The following CD6 variants were observed in gnomAD, a reference collection of about 807,000 sequenced individuals.
CD6 encodes the protein T-cell differentiation antigen CD6.
CD6 carries 53 observed loss-of-function variants against 75.3 expected under a neutral mutation model. The ratio of observed to expected loss-of-function variants is 0.70; its 90% confidence interval spans 0.56 to 0.88. The LOEUF (loss-of-function observed/expected upper bound fraction) is 0.88. Ranked by LOEUF, CD6 falls within the 40% of genes least tolerant of loss-of-function variation. The probability of loss-of-function intolerance (pLI) is 0.00; values close to 1 mark genes in which losing one functional copy is unlikely to be tolerated. For missense variants in CD6, 770 were observed against 897.1 expected (o/e 0.86, Z 1.81); for synonymous variants, 359 against 381.5 (o/e 0.94, Z 0.69).
At chr11:61,013,840 G>T in intron 7 of CD6, 79 bp from the exon 8 acceptor site, 1 of 1,001,940 alleles carries the variant, frequency 1.0e-6, no homozygotes, top group Non-Finnish European at 1.5e-6. Context: ...GTGGTGTGTC[G>T]ATGAGAACAG....
chr11:60,994,452 C>T (rs1055465458), intron 1 of CD6, among the ~76,000 whole-genome samples: 1 of 248 alleles, frequency 4.0e-3, no homozygotes, highest in African/African-American at 5.6e-3. Context: ...CCCCAACACC[C>T]CCGCCAAAAA....
At chr11:61,018,527 C>CT in intron 12 of CD6, 134 bp downstream of exon 12, 3 of 584,612 alleles carry the variant, frequency 5.1e-6, no homozygotes, top group Non-Finnish European at 8.4e-6. Flanking sequence ...GGGAAAGTAA[C>CT]TTTTTAAAAA....
At chr11:61,011,178 CGTGT>C (rs10528068) in intron 6 of CD6, 43 bp downstream of exon 6, 698 of 897,100 alleles carry the variant, frequency 7.8e-4, no homozygotes, top group Middle Eastern at 1.8e-3. Context: ...GAAGCTTGGA[CGTGT>C]GTGTGTGTGT....
intron 1 of CD6, among the ~76,000 whole-genome samples, chr11:61,000,215 T>C (rs891135582): frequency 1.3e-5 from 2 of 152,178 alleles, no homozygotes; most frequent in Non-Finnish European, 2.9e-5. Context: ...TAGTTTTATT[T>C]AGGATAAGTT....
At chr11:60,976,484 ACAT>A (rs1215485096) in intron 1 of CD6, among the ~76,000 whole-genome samples, 1 of 152,172 alleles carries the variant, frequency 6.6e-6, no homozygotes, top group African/African-American at 2.4e-5. Flanking sequence ...GACCCAACTT[ACAT>A]TTAACACCAT....
At chr11:61,017,724 C>T (rs544728230) in intron 10 of CD6, 35 bp from the exon 11 acceptor site, 1 of 1,613,182 alleles carries the variant, frequency 6.2e-7, no homozygotes, top group South Asian at 1.1e-5. Context: ...TGCTGCACTG[C>T]TTCTTTCGTC....
intron 1 of CD6, among the ~76,000 whole-genome samples, chr11:60,978,130 T>A (rs1026640216): frequency 3.3e-5 from 5 of 152,346 alleles, no homozygotes; most frequent in Admixed American, 3.3e-4. Flanking sequence ...TGGTATATAA[T>A]GCCAAGTCAA....
At position 61,011,156 on chromosome 11, in the gene CD6, CGCGGTTTCTCAGAA is replaced by C. The variant is rs774259594; in HGVS notation, c.1150+24_1150+37del. ...TATAGGTAAGTGTTGCTGGGTACTA[CGCGGTTTCTCAGAA>C]GCTTGGACGTGTGTGTGTGTGTGTG... On this transcript the variant is annotated intron_variant, in intron 6 of 12. Coordinates refer to ENST00000313421, the MANE Select transcript of CD6 (RefSeq NM_006725.5). The C allele has an allele frequency of 1.2e-5, 19 of 1,565,260 alleles. No homozygotes were observed. The South Asian group carries it at 2.1e-4, about 18-fold the overall frequency.
At chr11:61,015,549 C>A (rs928029825) in intron 8 of CD6, 164 bp from the exon 9 acceptor site, 1 of 784,964 alleles carries the variant, frequency 1.3e-6, no homozygotes, top group Non-Finnish European at 2.0e-6. Flanking sequence ...CCAGCCTGGA[C>A]AACAGAGTGA....
At chr11:60,992,020 C>T (rs940740947) in intron 1 of CD6, among the ~76,000 whole-genome samples, 1 of 152,052 alleles carries the variant, frequency 6.6e-6, no homozygotes, top group Admixed American at 6.6e-5. Flanking sequence ...GCTGGGACCA[C>T]AGGTGCACAC....
At position 61,008,187 on chromosome 11, in the gene CD6, C is replaced by T. The variant is rs1340907268; in HGVS notation, c.469+277C>T. On this transcript the variant is annotated intron_variant, in intron 3 of 12. Coordinates refer to ENST00000313421, the MANE Select transcript of CD6 (RefSeq NM_006725.5). ...AAAGCTAACCCGGTCTCTAACCCCA[C>T]TTACTGGGCCCGCCGCTTCCCTGTC... is the stretch of plus-strand genomic sequence containing the variant. 4.6e-5 allele frequency among the ~76,000 whole-genome samples: 7 copies of T among 152,304 alleles called. No individual in the cohort carries two copies. The East Asian group carries it at 1.4e-3, about 29-fold the overall frequency.
Position 61,015,907 on chromosome 11 carries a change from GTCAGT to G in CD6, c.1510+73_1510+77del. On this transcript the variant is annotated intron_variant, in intron 9 of 12. Coordinates refer to ENST00000313421, the MANE Select transcript of CD6 (RefSeq NM_006725.5). ...GAGGGGGCCCCGAGGGGACCGTCAG[GTCAGT>G]AGTCCCACCTAGTAACCCCTGCATG... is the stretch of plus-strand genomic sequence containing the variant. 3 of 1,574,754 alleles carry G rather than the reference GTCAGT, an allele frequency of 1.9e-6. No individual in the cohort carries two copies. In the Admixed American group the frequency reaches 5.2e-5, roughly 27 times the overall value.
intron 1 of CD6, among the ~76,000 whole-genome samples, chr11:60,994,472 G>A (rs200088028): frequency 3.9e-3 from 41 of 10,446 alleles, no homozygotes; most frequent in African/African-American, 4.1e-3. Context: ...AAAAAAAAAA[G>A]CTGAATTTCT....
At chr11:60,973,609 C>T (rs1194894244) in intron 1 of CD6, among the ~76,000 whole-genome samples, 6 of 152,126 alleles carry the variant, frequency 3.9e-5, no homozygotes, top group African/African-American at 4.8e-5. Context: ...ATTTCTATTA[C>T]GCTTTAGCAA....
intron 1 of CD6, among the ~76,000 whole-genome samples, chr11:60,994,778 G>A (rs951386773): frequency 7.2e-5 from 11 of 152,174 alleles, no homozygotes; most frequent in Non-Finnish European, 1.2e-4. Flanking sequence ...CTTGTTCCAC[G>A]TGCTAGGAAC....
In CD6 at chr11:61,009,643, G is replaced by C; in HGVS notation, c.853G>C (p.Val285Leu). The stretch of plus-strand genomic sequence containing the variant: ...GCAGGTGGAGGTACACTTCCGAGGG[G>C]TCTGGAACACAGTGTGTGACAGTGA... Reference protein sequence around the residue: ...EGQVEVHFRGVWNTVCDSEWY... With the variant: ...EGQVEVHFRGLWNTVCDSEWY... Residue 285 changes from valine to leucine, a missense_variant, in exon 5 of 13, where the codon GTC (valine) becomes CTC (leucine). Transcript: ENST00000313421. 1 of 1,613,980 alleles carries C rather than the reference G, an allele frequency of 6.2e-7. No homozygotes were observed. The highest frequency in any genetic ancestry group is 1.1e-5 in the South Asian group (1 of 91,082).
At position 61,014,002 on chromosome 11, in the gene CD6, A is replaced by G; in HGVS notation, c.1375A>G (p.Ile459Val). 6.2e-7 allele frequency: 1 copy of G among 1,612,612 alleles called. No homozygotes were observed. Among genetic ancestry groups the G allele is most frequent in the Non-Finnish European group, 8.5e-7 (1 of 1,179,280 alleles). Reference protein sequence around the residue: ...SNSYQPVPITIPKEVFMLPIQ... With the variant: ...SNSYQPVPITVPKEVFMLPIQ... ...TAGCTATCAACCGGTCCCCATCACCATCCCCAAAGAAGGTAGGATGTCCCC... is the reference window on the plus strand; with the variant it reads ...TAGCTATCAACCGGTCCCCATCACCGTCCCCAAAGAAGGTAGGATGTCCCC... Residue 459 changes from isoleucine (I) to valine (V), a missense_variant, in exon 8 of 13, where the codon ATC becomes GTC. Physicochemically the swap from Ile to Val is conservative, Grantham distance 29. Coordinates refer to ENST00000313421, the MANE Select transcript of CD6 (RefSeq NM_006725.5).
chr11:60,972,712 G>A (rs192507313), intron 1 of CD6, among the ~76,000 whole-genome samples: 65 of 152,302 alleles, frequency 4.3e-4, no homozygotes, highest in Non-Finnish European at 7.2e-4. Flanking sequence ...TTCGGGCCAG[G>A]GGAGTCTGGG....
intron 1 of CD6, among the ~76,000 whole-genome samples, chr11:61,001,171 C>A (rs1011230228): frequency 4.1e-5 from 6 of 147,612 alleles, no homozygotes; most frequent in Non-Finnish European, 8.9e-5. Flanking sequence ...CCTTCTGATT[C>A]TATCAGATAG....
Sources: gnomAD v4.1 joint callset for allele counts (sites outside exome capture counted in the v4.1 genomes callset) on GRCh38, gnomAD v4.1.1 for gene constraint, MANE v1.5 for transcripts, NCBI Gene and HGNC (gene_info 2026-07-23, HGNC 2026-07-21) for gene names.